LARGE1: variants seen among roughly 807,000 people sequenced by gnomAD.
LARGE1 encodes the protein LARGE xylosyl- and glucuronyltransferase 1, also known as xylosyl- and glucuronyltransferase LARGE1.
In LARGE1, 43 loss-of-function variants were observed where a neutral mutation model predicts 87.6. That is an observed-to-expected ratio of 0.49 (90% CI 0.38 to 0.63). The LOEUF (loss-of-function observed/expected upper bound fraction) is 0.63. LARGE1 is among the 30% of genes least tolerant of loss of function. The pLI is 0.00. For missense variants in LARGE1, 802 were observed against 1,000.2 expected, an observed-to-expected ratio of 0.80 and a Z score of 2.67; for synonymous variants, 434 against 394.6, an observed-to-expected ratio of 1.10 and a Z score of -1.18.
the LARGE1 span, chr22:33,108,457 T>A: frequency 6.6e-6 from 1 of 152,106 alleles, no homozygotes; most frequent in Non-Finnish European, 1.5e-5. Context: ...ATGAGCACGG[T>A]GGGAAGAGAG....
chr22:33,513,748 T>A (rs2071160614), intron 6 of LARGE1, among the ~76,000 whole-genome samples: 1 of 151,666 alleles, frequency 6.6e-6, no homozygotes. Flanking sequence ...TCTCAGGGAT[T>A]GGAATGCTGG....
chr22:33,483,203 T>C (rs2069407631), intron 6 of LARGE1, among the ~76,000 whole-genome samples: 1 of 152,182 alleles, frequency 6.6e-6, no homozygotes, highest in African/African-American at 2.4e-5. Context: ...TTACATAGCA[T>C]CATCCGGAGG....
chr22:33,433,818 T>C (rs1476107889), intron 6 of LARGE1, among the ~76,000 whole-genome samples: 4 of 152,148 alleles, frequency 2.6e-5, no homozygotes, highest in African/African-American at 9.7e-5. Flanking sequence ...AGTGGTTCTT[T>C]TGGAACACTA....
At chr22:33,416,153 T>C (rs1355749104) in intron 7 of LARGE1, among the ~76,000 whole-genome samples, 2 of 152,202 alleles carry the variant, frequency 1.3e-5, no homozygotes, top group East Asian at 3.9e-4. Context: ...ACAAAGGGAT[T>C]TGCCCAAGAC....
chr22:33,750,957 T>A (rs190328509), intron 2 of LARGE1: 1 of 152,194 alleles, frequency 6.6e-6, no homozygotes. Context: ...CATTTGAACT[T>A]CAAAGCCCAA....
chr22:33,596,135 CA>C (rs1237058714), intron 5 of LARGE1, among the ~76,000 whole-genome samples: 1 of 152,110 alleles, frequency 6.6e-6, no homozygotes, highest in East Asian at 1.9e-4. Context: ...CTATGCTTCT[CA>C]AAAGGGGACA....
intron 6 of LARGE1, among the ~76,000 whole-genome samples, chr22:33,490,513 A>C (rs1602086795): frequency 6.6e-6 from 1 of 152,206 alleles, no homozygotes; most frequent in Non-Finnish European, 1.5e-5. Context: ...TTACTACTCT[A>C]AATAGAATTA....
chr22:33,436,214 G>A (rs2067266019), intron 6 of LARGE1, among the ~76,000 whole-genome samples: 1 of 152,198 alleles, frequency 6.6e-6, no homozygotes, highest in Admixed American at 6.5e-5. Flanking sequence ...TCTTACAGCT[G>A]CTGTGACTTC....
At chr22:33,886,215 C>T (rs1439588867) in intron 1 of LARGE1, among the ~76,000 whole-genome samples, 1 of 152,102 alleles carries the variant, frequency 6.6e-6, no homozygotes, top group Non-Finnish European at 1.5e-5. Context: ...AAATTCCCAC[C>T]TCCCATTTTC....
chr22:33,561,729 C>T (rs2077868937), intron 6 of LARGE1, among the ~76,000 whole-genome samples: 2 of 152,152 alleles, frequency 1.3e-5, no homozygotes, highest in Non-Finnish European at 2.9e-5. Flanking sequence ...GAAAATCTTC[C>T]AGCTGTTGGT....
At chr22:33,611,753 C>T (rs1291807778) in intron 4 of LARGE1, among the ~76,000 whole-genome samples, 1 of 152,128 alleles carries the variant, frequency 6.6e-6, no homozygotes, top group East Asian at 1.9e-4. Flanking sequence ...GGATATTTTT[C>T]CCCCACTCAA....
At chr22:33,829,006 CTTTT>C (rs776583343) in intron 1 of LARGE1, among the ~76,000 whole-genome samples, 16,362 of 94,336 alleles carry the variant, frequency 0.17, 886 homozygotes, top group Middle Eastern at 0.28. Flanking sequence ...GTCTCTTTTT[CTTTT>C]TTTTTTTTTT....
At chr22:33,854,349 G>GA (rs956454858) in intron 1 of LARGE1, among the ~76,000 whole-genome samples, 44 of 149,528 alleles carry the variant, frequency 2.9e-4, no homozygotes, top group Admixed American at 2.1e-3. Flanking sequence ...GTTGATGGCA[G>GA]AAAAAAAAAA....
At chr22:33,728,176 T>C (rs1018475696) in intron 2 of LARGE1, among the ~76,000 whole-genome samples, 5 of 151,846 alleles carry the variant, frequency 3.3e-5, no homozygotes, top group African/African-American at 4.8e-5. Context: ...CCCGTATTCA[T>C]CATCTACACC....
chr22:33,856,046 T>C (rs964964513), intron 1 of LARGE1, among the ~76,000 whole-genome samples: 1 of 152,202 alleles, frequency 6.6e-6, no homozygotes, highest in Non-Finnish European at 1.5e-5. Flanking sequence ...CACCCAGCCC[T>C]ACGCTGGCAC....
intron 2 of LARGE1, among the ~76,000 whole-genome samples, chr22:33,693,611 T>A (rs2082161231): frequency 6.6e-6 from 1 of 151,956 alleles, no homozygotes; most frequent in South Asian, 2.1e-4. Flanking sequence ...GATCACAAGG[T>A]CAGGAGTTGG....
intron 5 of LARGE1, among the ~76,000 whole-genome samples, chr22:33,593,810 G>T: frequency 6.7e-6 from 1 of 150,320 alleles, no homozygotes; most frequent in South Asian, 2.1e-4. Context: ...GTATTGCACT[G>T]GTTCTATTTT....
At chr22:33,574,637 A>G (rs1165008383) in intron 5 of LARGE1, among the ~76,000 whole-genome samples, 1 of 151,732 alleles carries the variant, frequency 6.6e-6, no homozygotes, top group African/African-American at 2.4e-5. Context: ...ATTCTCAAAT[A>G]TTGGGAGAAA....
At chr22:33,168,690 A>C (rs1033653259) in intron 11 of LARGE1, among the ~76,000 whole-genome samples, 3 of 152,250 alleles carry the variant, frequency 2.0e-5, no homozygotes, top group Non-Finnish European at 4.4e-5. Context: ...CAAACTATTT[A>C]CATAACATTC....
Sources: gnomAD v4.1 joint callset for allele counts (sites outside exome capture counted in the v4.1 genomes callset) on GRCh38, gnomAD v4.1.1 for gene constraint, MANE v1.5 for transcripts, NCBI Gene and HGNC (gene_info 2026-07-23, HGNC 2026-07-21) for gene names.